Variants in FYN observed in about 807,000 individuals in gnomAD.
The protein encoded by FYN is FYN proto-oncogene, Src family tyrosine kinase.
FYN carries 10 observed loss-of-function variants against 70.2 expected under a neutral mutation model. That is an observed-to-expected ratio of 0.14 (90% CI 0.09 to 0.24). The LOEUF (loss-of-function observed/expected upper bound fraction) is 0.24, where lower values mean the gene tolerates loss of function less well. Among genes scored for constraint, FYN ranks in the 10% least tolerant of loss-of-function variants. The probability of loss-of-function intolerance (pLI) is 1.00; values close to 1 mark genes in which losing one functional copy is unlikely to be tolerated. For missense variants in FYN, 319 were observed against 673.1 expected, an observed-to-expected ratio of 0.47 and a Z score of 5.82; for synonymous variants, 236 against 248.6, an observed-to-expected ratio of 0.95 and a Z score of 0.48.
At chr6:111,818,803 A>G (rs9387041) in intron 2 of FYN, 6,982 of 152,266 alleles carry the variant, frequency 0.046, 186 homozygotes, top group East Asian at 0.14. Context: ...CTAAATTGTA[A>G]CATCGTAGCA....
intron 2 of FYN, among the ~76,000 whole-genome samples, chr6:111,827,725 T>A (rs1312346056): frequency 2.6e-5 from 4 of 152,182 alleles, no homozygotes; most frequent in Admixed American, 6.5e-5. Context: ...GTGTTCACAA[T>A]TATTCCTCAG....
intron 10 of FYN, among the ~76,000 whole-genome samples, chr6:111,695,655 T>C (rs1389927867): frequency 6.6e-6 from 1 of 152,238 alleles, no homozygotes; most frequent in East Asian, 1.9e-4. Flanking sequence ...ATAAACAATG[T>C]ATTGCCTTTT....
intron 3 of FYN, chr6:111,759,864 GA>G (rs1802925656): frequency 1.3e-5 from 2 of 152,206 alleles, no homozygotes; most frequent in African/African-American, 4.8e-5. Flanking sequence ...AGGAGAAGGA[GA>G]AAAGGAATAA....
At chr6:111,870,540 G>A (rs1774240951) in intron 1 of FYN, among the ~76,000 whole-genome samples, 1 of 152,154 alleles carries the variant, frequency 6.6e-6, no homozygotes, top group Non-Finnish European at 1.5e-5. Context: ...CAGAATACCC[G>A]CTAAGATAAA....
At chr6:111,677,434 A>G (rs1161381680) in intron 12 of FYN, among the ~76,000 whole-genome samples, 3 of 152,200 alleles carry the variant, frequency 2.0e-5, no homozygotes, top group African/African-American at 7.2e-5. Context: ...CCACCTCCTG[A>G]GGGTACAAAG....
intron 2 of FYN, 106 bp from the exon 3 acceptor site, chr6:111,780,741 G>C (rs998486484): frequency 4.6e-5 from 7 of 152,058 alleles, no homozygotes; most frequent in African/African-American, 1.7e-4. Flanking sequence ...CTCTGCTTCG[G>C]GCACCCATCG....
intron 6 of FYN, among the ~76,000 whole-genome samples, chr6:111,705,813 C>A (rs1800061299): frequency 6.6e-6 from 1 of 152,116 alleles, no homozygotes; most frequent in African/African-American, 2.4e-5. Flanking sequence ...AGGGCCACTG[C>A]ACTCTAGCCT....
intron 12 of FYN, among the ~76,000 whole-genome samples, chr6:111,675,583 A>G (rs1798493179): frequency 6.6e-6 from 1 of 152,096 alleles, no homozygotes; most frequent in African/African-American, 2.4e-5. Flanking sequence ...ATTTGAGGTC[A>G]GGAGTTCAAG....
intron 2 of FYN, among the ~76,000 whole-genome samples, chr6:111,845,485 C>A (rs1206494175): frequency 6.6e-6 from 1 of 152,182 alleles, no homozygotes; most frequent in South Asian, 2.1e-4. Flanking sequence ...CCTGCAGAAG[C>A]TAGGTGCCTG....
chr6:111,768,452 A>G (rs1369209904), intron 3 of FYN, among the ~76,000 whole-genome samples: 1 of 152,226 alleles, frequency 6.6e-6, no homozygotes, highest in Non-Finnish European at 1.5e-5. Flanking sequence ...TTTCAGGACA[A>G]GCTTATTGAG....
intron 9 of FYN, chr6:111,699,823 G>T (rs546399763): frequency 5.3e-5 from 41 of 768,482 alleles, no homozygotes; most frequent in Non-Finnish European, 7.8e-5. Flanking sequence ...ATGGCAGCTG[G>T]AACATTCCTT....
intron 3 of FYN, among the ~76,000 whole-genome samples, chr6:111,735,613 T>C (rs1801675095): frequency 6.6e-6 from 1 of 152,104 alleles, no homozygotes; most frequent in Non-Finnish European, 1.5e-5. Context: ...AAACTGGGTC[T>C]TGATAGACAC....
At chr6:111,714,314 G>T (rs372792405) in intron 5 of FYN, 33 bp downstream of exon 5, 1 of 1,423,646 alleles carries the variant, frequency 7.0e-7, no homozygotes, top group African/African-American at 1.4e-5. Context: ...AACCTGAAAG[G>T]TATACATGCT....
At chr6:111,796,781 G>A (rs113111279) in intron 2 of FYN, among the ~76,000 whole-genome samples, 1 of 152,230 alleles carries the variant, frequency 6.6e-6, no homozygotes, top group Admixed American at 6.5e-5. Context: ...GGTAAGGGGA[G>A]TGGCAGGTAA....
chr6:111,764,216 C>CAAAAAAAAAAAAAAAAAAAAAAAAA (rs11409465), intron 3 of FYN, among the ~76,000 whole-genome samples: 50 of 58,308 alleles, frequency 8.6e-4, no homozygotes, highest in East Asian at 3.4e-3. Context: ...TTTTGTCAAG[C>CAAAAAAAAAAAAAAAAAAAAAAAAA]AAAAAAAAAA....
chr6:111,715,280 T>A (rs1170787146), intron 4 of FYN, among the ~76,000 whole-genome samples: 2 of 151,822 alleles, frequency 1.3e-5, no homozygotes, highest in African/African-American at 4.8e-5. Flanking sequence ...GGGGTCTCAC[T>A]ATGTTGCCCA....
At chr6:111,735,581 T>G (rs1801673334) in intron 3 of FYN, among the ~76,000 whole-genome samples, 1 of 152,164 alleles carries the variant, frequency 6.6e-6, no homozygotes. Context: ...AACTGATACT[T>G]ATCCAGTATT....
intron 2 of FYN, among the ~76,000 whole-genome samples, chr6:111,782,837 C>G (rs535098486): frequency 6.6e-6 from 1 of 152,222 alleles, no homozygotes; most frequent in Non-Finnish European, 1.5e-5. Context: ...AGAGACCACA[C>G]CAAGCTCCAG....
At chr6:111,732,169 G>A (rs945729569) in intron 3 of FYN, among the ~76,000 whole-genome samples, 4 of 152,154 alleles carry the variant, frequency 2.6e-5, no homozygotes, top group African/African-American at 9.7e-5. Flanking sequence ...ATCCAAAAAA[G>A]GTAACACTGG....
Sources: gnomAD v4.1 joint callset for allele counts (sites outside exome capture counted in the v4.1 genomes callset) on GRCh38, gnomAD v4.1.1 for gene constraint, MANE v1.5 for transcripts, NCBI Gene and HGNC (gene_info 2026-07-23, HGNC 2026-07-21) for gene names.